Variants in KCTD1 observed in about 807,000 individuals in gnomAD.
KCTD1 encodes the protein BTB/POZ domain-containing protein KCTD1.
KCTD1 carries 24 observed loss-of-function variants against 66.0 expected under a neutral mutation model. The ratio of observed to expected loss-of-function variants is 0.36; its 90% confidence interval spans 0.26 to 0.51. KCTD1 has a LOEUF of 0.51. KCTD1 is among the 20% of genes least tolerant of loss of function. KCTD1 has a pLI of 0.95. For missense variants in KCTD1, 943 were observed against 1,205.2 expected, an observed-to-expected ratio of 0.78 and a Z score of 3.22; for synonymous variants, 511 against 517.2, an observed-to-expected ratio of 0.99 and a Z score of 0.16.
At chr18:26,657,367 A>C (rs1568023663) in exon 1 of KCTD1, 1 of 985,410 alleles carries the variant, frequency 1.0e-6, no homozygotes, top group African/African-American at 1.7e-5. Flanking sequence ...TACCTGAAAC[A>C]TTGAAGCACA....
upstream of KCTD1, among the ~76,000 whole-genome samples, chr18:26,641,209 C>T (rs1987827098): frequency 6.6e-6 from 1 of 152,290 alleles, no homozygotes; most frequent in African/African-American, 2.4e-5. Context: ...AAGTTCCCTG[C>T]CCCGCTGTCA....
At chr18:26,469,335 G>A (rs1980926792) in intron 3 of KCTD1, among the ~76,000 whole-genome samples, 1 of 152,132 alleles carries the variant, frequency 6.6e-6, no homozygotes, top group Non-Finnish European at 1.5e-5. Context: ...CTAGGCAGGT[G>A]GGTGGGTGAG....
At chr18:26,560,638 G>T (rs1446160406) in intron 1 of KCTD1, among the ~76,000 whole-genome samples, 2 of 152,184 alleles carry the variant, frequency 1.3e-5, no homozygotes. Context: ...CAGGGGGTGG[G>T]GAAGGGTGTG....
At chr18:26,535,892 T>G (rs1984678995) in intron 1 of KCTD1, among the ~76,000 whole-genome samples, 2 of 148,328 alleles carry the variant, frequency 1.3e-5, no homozygotes, top group South Asian at 4.2e-4. Flanking sequence ...TGTGCATAGA[T>G]TCACAGGACT....
At chr18:26,567,570 C>T (rs1267147853) in intron 1 of KCTD1, among the ~76,000 whole-genome samples, 1 of 151,116 alleles carries the variant, frequency 6.6e-6, no homozygotes, top group Non-Finnish European at 1.5e-5. Flanking sequence ...TCACTGCAAC[C>T]TCCGCCTCCT....
chr18:26,570,986 C>A lies in KCTD1; in HGVS notation c.-16+58161G>T, dbSNP rs115258241. Among the ~76,000 whole-genome samples the A allele has an allele frequency of 3.4e-3, 523 of 152,170 alleles. 1 individual carries two copies. Among genetic ancestry groups the A allele is most frequent in the African/African-American group, 0.012 (494 of 41,484 alleles). ...TCCATGGTTCTAAGAATATTTTTGG[C>A]CAGATAACATTTCCAAATACTCCAT... On this transcript the variant is annotated intron_variant, in intron 1 of 4. Transcript: ENST00000317932.
upstream of KCTD1, chr18:26,549,035 G>T: frequency 1.0e-6 from 1 of 985,240 alleles, no homozygotes; most frequent in Non-Finnish European, 1.2e-6. Context: ...GGGGGGTCGG[G>T]GCGGCGGCTG....
chr18:26,571,294 A>G (rs1283371027), intron 1 of KCTD1, among the ~76,000 whole-genome samples: 1 of 152,218 alleles, frequency 6.6e-6, no homozygotes, highest in Admixed American at 6.5e-5. Context: ...CAATTCTCCA[A>G]GCTTTGGAAA....
intron 1 of KCTD1, among the ~76,000 whole-genome samples, chr18:26,506,273 G>A (rs900826147): frequency 1.3e-5 from 2 of 152,224 alleles, no homozygotes; most frequent in South Asian, 2.1e-4. Flanking sequence ...TCTGGCCTCA[G>A]CAGTCCTGCT....
intron 1 of KCTD1, among the ~76,000 whole-genome samples, chr18:26,508,728 T>A (rs201250930): frequency 4.9e-4 from 73 of 150,504 alleles, no homozygotes; most frequent in African/African-American, 1.5e-3. Context: ...TCTCTCTCTC[T>A]CACACACACA....
At chr18:26,470,089 T>C (rs1980970289) in intron 3 of KCTD1, among the ~76,000 whole-genome samples, 1 of 152,206 alleles carries the variant, frequency 6.6e-6, no homozygotes, top group South Asian at 2.1e-4. Flanking sequence ...CTAGTTTGCA[T>C]GTTAGCCTCA....
intron 1 of KCTD1, among the ~76,000 whole-genome samples, chr18:26,620,180 T>A (rs566593146): frequency 1.5e-4 from 23 of 152,150 alleles, no homozygotes; most frequent in Admixed American, 1.4e-3. Context: ...ACTAAGATTC[T>A]GTGGAATGCG....
chr18:26,617,033 C>T (rs1362306847), intron 1 of KCTD1, among the ~76,000 whole-genome samples: 2 of 152,180 alleles, frequency 1.3e-5, no homozygotes, highest in Non-Finnish European at 2.9e-5. Context: ...AAACACAGAA[C>T]TTTGCCCAGA....
At chr18:26,557,309 G>C (rs1985729905) in intron 1 of KCTD1, among the ~76,000 whole-genome samples, 1 of 152,192 alleles carries the variant, frequency 6.6e-6, no homozygotes, top group Non-Finnish European at 1.5e-5. Context: ...AAATGCCCAG[G>C]AAAGTGTTTG....
chr18:26,538,210 G>A (rs7243942), intron 1 of KCTD1, among the ~76,000 whole-genome samples: 26,725 of 151,902 alleles, frequency 0.18, 2,312 homozygotes, highest in Middle Eastern at 0.28. Context: ...TCGCACCACT[G>A]CACTCCAGCC....
At chr18:26,613,537 A>AT (rs1263361057) in intron 1 of KCTD1, among the ~76,000 whole-genome samples, 2 of 152,160 alleles carry the variant, frequency 1.3e-5, no homozygotes, top group Non-Finnish European at 2.9e-5. Context: ...AGAGAATCAC[A>AT]TTTTTTGGTT....
rs112968412 is a variant in KCTD1, at chr18:26,536,197, C to T, written c.1809+10531G>A. The stretch of plus-strand genomic sequence containing the variant: ...AACCACGCTGGGCTCCAAAGCCATA[C>T]ATTTAGTGAGTGTGAGTTGTAATTA... On this transcript the variant is annotated intron_variant, in intron 1 of 4. Transcript: ENST00000580059. Among the ~76,000 whole-genome samples, 339 of 152,230 alleles carry T rather than the reference C, an allele frequency of 2.2e-3. 2 individuals are homozygous for T. The highest frequency in any genetic ancestry group is 7.2e-3 in the African/African-American group (297 of 41,516).
chr18:26,501,930 C>T (rs569329719), intron 1 of KCTD1, among the ~76,000 whole-genome samples: 1 of 152,340 alleles, frequency 6.6e-6, no homozygotes, highest in South Asian at 2.1e-4. Context: ...AATCAAGTTC[C>T]CAAAGTGTAA....
chr18:26,599,564 G>C, intron 1 of KCTD1: 1 of 1,505,214 alleles, frequency 6.6e-7, no homozygotes, highest in Non-Finnish European at 9.3e-7. Context: ...GTTGCAGTCT[G>C]CCCACAAAGA....
Sources: allele counts gnomAD v4.1 joint callset (sites outside exome capture counted in the v4.1 genomes callset), GRCh38; gene constraint gnomAD v4.1.1; transcripts MANE v1.5; gene names NCBI Gene and HGNC (gene_info 2026-07-23, HGNC 2026-07-21).